Variants in DPP10 observed in about 807,000 individuals in gnomAD.
DPP10 encodes dipeptidyl peptidase like 10, also known as inactive dipeptidyl peptidase 10.
In DPP10, 33 loss-of-function variants were observed where a neutral mutation model predicts 120.9. The ratio of observed to expected loss-of-function variants is 0.27; its 90% confidence interval spans 0.21 to 0.37. The LOEUF (loss-of-function observed/expected upper bound fraction) is 0.37, where lower values mean the gene tolerates loss of function less well. Ranked by LOEUF, DPP10 falls within the 10% of genes least tolerant of loss-of-function variation. The pLI, the probability that DPP10 is intolerant of heterozygous loss-of-function variation, is 1.00. For synonymous variants in DPP10, 337 were observed against 326.1 expected, an observed-to-expected ratio of 1.03 and a Z score of -0.36; for missense variants, 816 against 942.8, an observed-to-expected ratio of 0.87 and a Z score of 1.76.
intron 2 of DPP10, chr2:115,342,209 T>A: frequency 2.2e-6 from 1 of 446,674 alleles, no homozygotes; most frequent in East Asian, 7.3e-5. Context: ...GTGTGTAATT[T>A]GTTTTTTGAG....
intron 1 of DPP10, among the ~76,000 whole-genome samples, chr2:115,012,224 G>T (rs1702315087): frequency 1.3e-5 from 2 of 152,052 alleles, no homozygotes; most frequent in African/African-American, 4.8e-5. Flanking sequence ...TGAAGACAAA[G>T]GTCATAATCC....
intron 3 of DPP10, among the ~76,000 whole-genome samples, chr2:115,352,531 TTCCATCTATATA>T (rs1444231767): frequency 1.7e-4 from 26 of 152,340 alleles, no homozygotes; most frequent in African/African-American, 6.3e-4. Flanking sequence ...ACATCTATCT[TTCCATCTATATA>T]TCCATCTATC....
intron 3 of DPP10, among the ~76,000 whole-genome samples, chr2:115,388,599 A>G (rs1402449): frequency 0.21 from 32,352 of 152,056 alleles, 3,799 homozygotes; most frequent in East Asian, 0.35. Flanking sequence ...CTTTTTCTTT[A>G]TATTTGCAAA....
chr2:115,265,437 T>C (rs938383058), intron 1 of DPP10, among the ~76,000 whole-genome samples: 6 of 152,062 alleles, frequency 3.9e-5, no homozygotes, highest in Non-Finnish European at 7.4e-5. Context: ...GATGGTGGTA[T>C]TCAAATGATT....
At chr2:115,791,207 C>T (rs770332682) in intron 18 of DPP10, 28 bp downstream of exon 18, 2 of 1,606,866 alleles carry the variant, frequency 1.2e-6, no homozygotes. Flanking sequence ...CTATGTTATT[C>T]AAGAACAACT....
At chr2:115,777,438 C>G (rs982578528) in intron 14 of DPP10, 139 bp downstream of exon 14, 2 of 705,636 alleles carry the variant, frequency 2.8e-6, no homozygotes, top group Non-Finnish European at 4.8e-6. Context: ...CTTTAAAGAC[C>G]TCTTCCACAC....
chr2:115,133,145 G>GTATACATA (rs2050458078), intron 1 of DPP10, among the ~76,000 whole-genome samples: 1 of 28,772 alleles, frequency 3.5e-5, no homozygotes, highest in South Asian at 1.6e-3. Context: ...GTGTGTGTGT[G>GTATACATA]TATATATATA....
intron 3 of DPP10, among the ~76,000 whole-genome samples, chr2:115,352,806 G>A (rs551712664): frequency 2.6e-5 from 4 of 152,132 alleles, no homozygotes; most frequent in Admixed American, 2.0e-4. Context: ...GTCCAATTAC[G>A]ATGAAGTTTT....
intron 2 of DPP10, among the ~76,000 whole-genome samples, chr2:115,341,694 A>G (rs1258002779): frequency 3.9e-5 from 6 of 152,304 alleles, no homozygotes; most frequent in Admixed American, 1.3e-4. Flanking sequence ...AGTTGAGATT[A>G]TATACTATGT....
chr2:114,508,056 A>ATC (rs1297929493), intron 1 of DPP10, among the ~76,000 whole-genome samples: 1 of 143,790 alleles, frequency 7.0e-6, no homozygotes, highest in Non-Finnish European at 1.5e-5. Context: ...TCTTTTTTCC[A>ATC]TCTCTCTCTC....
At chr2:115,371,268 G>C (rs867996849) in intron 3 of DPP10, among the ~76,000 whole-genome samples, 9 of 152,080 alleles carry the variant, frequency 5.9e-5, no homozygotes, top group African/African-American at 1.7e-4. Flanking sequence ...AACTGCTTAT[G>C]CTTCTCAAAT....
At chr2:115,296,455 G>A (rs2060888907) in intron 1 of DPP10, among the ~76,000 whole-genome samples, 1 of 152,000 alleles carries the variant, frequency 6.6e-6, no homozygotes, top group Non-Finnish European at 1.5e-5. Context: ...CACTAGAAAA[G>A]GAAGTACATT....
chr2:114,543,335 T>C (rs1025318276), intron 1 of DPP10, among the ~76,000 whole-genome samples: 3 of 152,320 alleles, frequency 2.0e-5, no homozygotes, highest in Admixed American at 1.3e-4. Context: ...GCCAAGGGGC[T>C]AATTTCCAAC....
At chr2:115,166,339 A>G (rs1437524971) in intron 1 of DPP10, among the ~76,000 whole-genome samples, 1 of 151,354 alleles carries the variant, frequency 6.6e-6, no homozygotes, top group East Asian at 1.9e-4. Flanking sequence ...GAATTATTCA[A>G]CATATAAAAT....
chr2:115,504,957 AAC>A (rs2076866873), intron 4 of DPP10, among the ~76,000 whole-genome samples: 1 of 152,126 alleles, frequency 6.6e-6, no homozygotes, highest in Non-Finnish European at 1.5e-5. Context: ...TGCAGTTTCA[AAC>A]AGTTATTCAT....
intron 3 of DPP10, among the ~76,000 whole-genome samples, chr2:115,412,144 A>C (rs1384299874): frequency 6.6e-6 from 1 of 152,180 alleles, no homozygotes. Context: ...TCCAGATTTA[A>C]TTGCTAAGCA....
chr2:114,921,106 C>G (rs1302694818), intron 1 of DPP10, among the ~76,000 whole-genome samples: 1 of 152,166 alleles, frequency 6.6e-6, no homozygotes, highest in Non-Finnish European at 1.5e-5. Flanking sequence ...CTAAATCTTA[C>G]AGTGATGTTG....
chr2:114,679,509 C>A (rs1396169064), intron 1 of DPP10, among the ~76,000 whole-genome samples: 2 of 151,750 alleles, frequency 1.3e-5, no homozygotes, highest in African/African-American at 2.4e-5. Flanking sequence ...TATTTTTTGC[C>A]CAGTTAGCTT....
At position 115,843,797 on chromosome 2, in the gene DPP10, G is replaced by C. The variant is rs898293627; in HGVS notation, c.*1452G>C. 6.6e-6 allele frequency: 1 copy of C among 152,488 alleles called. No individual in the cohort carries two copies. The highest frequency in any genetic ancestry group is 2.4e-5 in the African/African-American group (1 of 41,456). The allele number at this position is 152,488 out of a possible 1,614,324, so 9.4% of individuals were successfully genotyped here. ...TCTTCCAGAAGATATCTAAAAGTCT[G>C]TAATAAGCTTAGAAGTTCAGATAAA... On this transcript the variant is annotated 3_prime_UTR_variant, in exon 26 of 26. Transcript: ENST00000410059.
Sources: gnomAD v4.1 joint callset for allele counts (sites outside exome capture counted in the v4.1 genomes callset) on GRCh38, gnomAD v4.1.1 for gene constraint, MANE v1.5 for transcripts, NCBI Gene and HGNC (gene_info 2026-07-23, HGNC 2026-07-21) for gene names.